PTPRD: variants seen among roughly 807,000 people sequenced by gnomAD.
PTPRD encodes the protein receptor-type tyrosine-protein phosphatase delta.
PTPRD carries 34 observed loss-of-function variants against 214.5 expected under a neutral mutation model. The observed-to-expected ratio is 0.16, with a 90% confidence interval of 0.12 to 0.21. The LOEUF (loss-of-function observed/expected upper bound fraction) is 0.21, where lower values mean the gene tolerates loss of function less well. Among genes scored for constraint, PTPRD ranks in the 10% least tolerant of loss-of-function variants. The probability of loss-of-function intolerance (pLI) is 1.00; values close to 1 mark genes in which losing one functional copy is unlikely to be tolerated. For synonymous variants in PTPRD, 1,128 were observed against 845.7 expected (o/e 1.33, Z -5.79); for missense variants, 2,545 against 2,398.7 (o/e 1.06, Z -1.27).
At position 9,945,888 on chromosome 9, in the gene PTPRD, AAT is replaced by A. The variant is rs1332959700; in HGVS notation, c.-471-7280_-471-7279del. ...CACACACAAATCTATACGTACCTGAAATATTTTTTAAAAGATGGTTACTGACA... is the reference window on the plus strand; with the variant it reads ...CACACACAAATCTATACGTACCTGAAATTTTTTAAAAGATGGTTACTGACA... On this transcript the variant is annotated intron_variant, in intron 4 of 45. Coordinates refer to ENST00000381196, the MANE Select transcript of PTPRD (RefSeq NM_002839.4). Among the ~76,000 whole-genome samples the A allele has an allele frequency of 2.1e-4, 32 of 152,302 alleles. No individual in the cohort carries two copies. The East Asian group carries it at 5.8e-3, about 28-fold the overall frequency.
At chr9:10,350,473 A>C (rs906747074) in intron 2 of PTPRD, among the ~76,000 whole-genome samples, 1 of 152,130 alleles carries the variant, frequency 6.6e-6, no homozygotes, top group South Asian at 2.1e-4. Flanking sequence ...TAAAATCAAA[A>C]AAAATTAAGC....
intron 7 of PTPRD, among the ~76,000 whole-genome samples, chr9:9,690,512 T>C (rs1439741701): frequency 6.6e-6 from 1 of 151,926 alleles, no homozygotes; most frequent in Admixed American, 6.6e-5. Flanking sequence ...TTTTGTTGTC[T>C]GTGCTTTTGA....
intron 2 of PTPRD, among the ~76,000 whole-genome samples, chr9:10,445,496 T>A (rs1377756143): frequency 2.0e-5 from 3 of 151,772 alleles, no homozygotes; most frequent in Admixed American, 6.6e-5. Flanking sequence ...GCAACAGAAA[T>A]GGAAAGAAAG....
intron 11 of PTPRD, among the ~76,000 whole-genome samples, chr9:8,975,097 C>CA (rs35644783): frequency 0.093 from 10,806 of 116,300 alleles, 823 homozygotes; most frequent in East Asian, 0.26. Context: ...AACTCTGTCT[C>CA]AAAAAAAAAA....
At chr9:10,058,978 T>A (rs1658485468) in intron 3 of PTPRD, among the ~76,000 whole-genome samples, 1 of 152,234 alleles carries the variant, frequency 6.6e-6, no homozygotes, top group South Asian at 2.1e-4. Flanking sequence ...TGGAGCTTTT[T>A]TAAAACCAAC....
chr9:9,020,106 T>C (rs572848406), intron 10 of PTPRD, among the ~76,000 whole-genome samples: 156 of 152,298 alleles, frequency 1.0e-3, no homozygotes, highest in Non-Finnish European at 1.9e-3. Context: ...CTGACGGATA[T>C]TATTGTTATC....
At position 10,245,075 on chromosome 9, in the gene PTPRD, GA is replaced by G. The variant is rs1266719561; in HGVS notation, c.-545+95887del. On this transcript the variant is annotated intron_variant, in intron 3 of 45. Transcript: ENST00000381196. ...AAACAGAAATATTATTTCTAATGAT[GA>G]CATAAAGTTTGACATTTTACATATT... is the stretch of plus-strand genomic sequence containing the variant. 1.4e-4 allele frequency among the ~76,000 whole-genome samples: 22 copies of G among 152,166 alleles called. No homozygotes were observed. The Middle Eastern group carries it at 0.01, about 71-fold the overall frequency.
chr9:9,367,343 A>T (rs188446555), intron 9 of PTPRD, among the ~76,000 whole-genome samples: 1 of 151,628 alleles, frequency 6.6e-6, no homozygotes, highest in African/African-American at 2.4e-5. Flanking sequence ...AGTAAATAAA[A>T]GGAAAAATAT....
chr9:10,535,777 T>C (rs746306653), intron 2 of PTPRD, among the ~76,000 whole-genome samples: 1 of 152,066 alleles, frequency 6.6e-6, no homozygotes, highest in African/African-American at 2.4e-5. Flanking sequence ...AAGTTGAAAA[T>C]TGATATCTAG....
intron 8 of PTPRD, among the ~76,000 whole-genome samples, chr9:9,519,223 A>C (rs532110198): frequency 1.3e-5 from 2 of 152,114 alleles, no homozygotes; most frequent in East Asian, 3.9e-4. Flanking sequence ...CTATTTTGAG[A>C]CTTTAATGCA....
chr9:9,502,887 G>A (rs1161124884), intron 8 of PTPRD, among the ~76,000 whole-genome samples: 1 of 151,854 alleles, frequency 6.6e-6, no homozygotes, highest in Non-Finnish European at 1.5e-5. Context: ...CTATTCTATG[G>A]TGACAGAAAT....
chr9:9,042,019 G>A (rs1211611164), intron 10 of PTPRD, among the ~76,000 whole-genome samples: 2 of 152,162 alleles, frequency 1.3e-5, no homozygotes, highest in African/African-American at 4.8e-5. Flanking sequence ...ATTCTGGCTT[G>A]AGCATGAAAA....
At position 9,670,794 on chromosome 9, in the gene PTPRD, G is replaced by A. The variant is rs1297863441; in HGVS notation, c.-287+63739C>T. On this transcript the variant is annotated intron_variant, in intron 7 of 45. Transcript: ENST00000381196. ...GCACAGAAGTCAAGAACTGGGGTTTGGGAACATCCACCTAGATTTCAGAAG... is the reference window on the plus strand; with the variant it reads ...GCACAGAAGTCAAGAACTGGGGTTTAGGAACATCCACCTAGATTTCAGAAG... 2.6e-5 allele frequency among the ~76,000 whole-genome samples: 4 copies of A among 152,180 alleles called. No homozygotes were observed. In the South Asian group the frequency reaches 8.3e-4, roughly 31 times the overall value.
chr9:9,301,200 GT>G (rs1043130426), intron 9 of PTPRD, among the ~76,000 whole-genome samples: 2 of 151,794 alleles, frequency 1.3e-5, no homozygotes, highest in Non-Finnish European at 2.9e-5. Context: ...CTATGTTAAA[GT>G]TTTTTCTCAA....
At chr9:8,556,118 G>A (rs2083675118) in intron 14 of PTPRD, among the ~76,000 whole-genome samples, 1 of 152,186 alleles carries the variant, frequency 6.6e-6, no homozygotes, top group African/African-American at 2.4e-5. Flanking sequence ...CCCTGCTTAA[G>A]ACTTCTGTCA....
At chr9:9,040,283 T>C (rs2099635508) in intron 10 of PTPRD, among the ~76,000 whole-genome samples, 1 of 152,180 alleles carries the variant, frequency 6.6e-6, no homozygotes, top group South Asian at 2.1e-4. Context: ...TTTTACACTA[T>C]GGTATTTTCA....
chr9:8,698,751 T>C (rs1007214137), intron 12 of PTPRD, among the ~76,000 whole-genome samples: 1 of 152,142 alleles, frequency 6.6e-6, no homozygotes, highest in Non-Finnish European at 1.5e-5. Context: ...GAAATCGCCT[T>C]TTCGCAGGAA....
intron 3 of PTPRD, among the ~76,000 whole-genome samples, chr9:10,142,603 A>G (rs1414571530): frequency 6.6e-6 from 1 of 150,438 alleles, no homozygotes; most frequent in Non-Finnish European, 1.5e-5. Flanking sequence ...TAGAATGGCA[A>G]TCATTAAAAA....
intron 9 of PTPRD, among the ~76,000 whole-genome samples, chr9:9,360,174 GTTGT>G (rs1161155352): frequency 1.3e-5 from 2 of 150,832 alleles, no homozygotes; most frequent in Admixed American, 6.6e-5. Context: ...AAATCTGACA[GTTGT>G]TTGATATTTT....
Sources: gnomAD v4.1 joint callset for allele counts (sites outside exome capture counted in the v4.1 genomes callset) on GRCh38, gnomAD v4.1.1 for gene constraint, MANE v1.5 for transcripts, NCBI Gene and HGNC (gene_info 2026-07-23, HGNC 2026-07-21) for gene names.